Variants in VPS8 observed in about 807,000 individuals in gnomAD.
The protein encoded by VPS8 is vacuolar protein sorting-associated protein 8 homolog.
A neutral mutation model predicts 216.4 loss-of-function variants in VPS8; 129 were observed. That is an observed-to-expected ratio of 0.60 (90% CI 0.52 to 0.69). VPS8 has a LOEUF of 0.69. Among genes scored for constraint, VPS8 ranks in the 30% least tolerant of loss-of-function variants. The probability of loss-of-function intolerance (pLI) is 0.00; values close to 1 mark genes in which losing one functional copy is unlikely to be tolerated. For missense variants in VPS8, 1,531 were observed against 1,683.5 expected (o/e 0.91, Z 1.59); for synonymous variants, 571 against 565.4 (o/e 1.01, Z -0.14).
intron 35 of VPS8, 30 bp from the exon 36 acceptor site, chr3:184,940,167 A>G: frequency 7.2e-7 from 1 of 1,388,406 alleles, no homozygotes; most frequent in Non-Finnish European, 9.7e-7. Context: ...TTTAATATTT[A>G]ATTGTAATTT....
intron 21 of VPS8, among the ~76,000 whole-genome samples, chr3:184,879,008 C>T (rs1052516788): frequency 2.0e-5 from 3 of 152,108 alleles, no homozygotes; most frequent in African/African-American, 7.2e-5. Context: ...ATCTGATAGT[C>T]TTTTAGAATA....
In VPS8 at chr3:184,929,582, A is replaced by T. The variant is rs776439430; in HGVS notation, c.2717A>T (p.Tyr906Phe). The T allele has an allele frequency of 4.5e-5, 67 of 1,502,444 alleles. No individual in the cohort carries two copies. The highest frequency in any genetic ancestry group is 8.5e-5 in the Admixed American group (4 of 47,318). The allele number at this position is 1,502,444 out of a possible 1,614,324, so 93.1% of individuals were successfully genotyped here. A position where few individuals can be genotyped will look rare whatever the true frequency, so the allele number is the denominator to read the frequency against. ...AAGTTTTTCCCTTTACATTCTAGCT[A>T]TCAAATTTGTGAATTTATGTATGAA... ...LIRMAEKAEF[Y>F]QICEFMYERE... Residue 906 changes from tyrosine to phenylalanine, a missense_variant and splice_region_variant, in exon 33 of 48, where the codon TAT becomes TTT. Tyr to Phe is a conservative substitution (Grantham distance 22). Coordinates refer to ENST00000625842, the MANE Select transcript of VPS8 (RefSeq NM_001009921.3).
chr3:185,035,986 CAA>C (rs1174073863), intron 46 of VPS8, among the ~76,000 whole-genome samples: 1 of 152,092 alleles, frequency 6.6e-6, no homozygotes, highest in African/African-American at 2.4e-5. Flanking sequence ...AGAATGAAAT[CAA>C]GAACAGATCC....
chr3:184,945,690 C>G (rs1743553703), intron 36 of VPS8, among the ~76,000 whole-genome samples: 1 of 152,176 alleles, frequency 6.6e-6, no homozygotes, highest in South Asian at 2.1e-4. Flanking sequence ...TGTAATCTCC[C>G]AACAGGTTCT....
At chr3:184,887,425 CTAA>C (rs1731490697) in intron 22 of VPS8, among the ~76,000 whole-genome samples, 1 of 150,884 alleles carries the variant, frequency 6.6e-6, no homozygotes, top group Non-Finnish European at 1.5e-5. Flanking sequence ...TTTTTCCACA[CTAA>C]TAATGATAAC....
chr3:184,949,531 A>G (rs186621506), intron 36 of VPS8, among the ~76,000 whole-genome samples: 13 of 151,888 alleles, frequency 8.6e-5, no homozygotes, highest in East Asian at 3.9e-4. Flanking sequence ...ACTGTTAGCT[A>G]TGTGGATCGT....
chr3:184,953,086 G>C (rs960664570), intron 36 of VPS8, among the ~76,000 whole-genome samples: 3 of 152,090 alleles, frequency 2.0e-5, no homozygotes, highest in Non-Finnish European at 4.4e-5. Flanking sequence ...TTTAAGATGG[G>C]GTCTGTTACC....
intron 40 of VPS8, among the ~76,000 whole-genome samples, chr3:184,982,094 C>T (rs931834565): frequency 8.0e-5 from 12 of 150,838 alleles, no homozygotes; most frequent in African/African-American, 2.9e-4. Flanking sequence ...AACCTTTACT[C>T]ATTTTTCTTG....
At chr3:184,874,924 G>A (rs1435621796) in intron 21 of VPS8, among the ~76,000 whole-genome samples, 1 of 152,026 alleles carries the variant, frequency 6.6e-6, no homozygotes, top group African/African-American at 2.4e-5. Context: ...TATAGTGGGT[G>A]GAAATCAGGA....
chr3:184,821,353 T>A (rs2108491034), intron 1 of VPS8, among the ~76,000 whole-genome samples: 1 of 152,188 alleles, frequency 6.6e-6, no homozygotes, highest in African/African-American at 2.4e-5. Flanking sequence ...CTACTTTTTT[T>A]TTTTTTTAGA....
At chr3:184,942,972 G>C (rs1016621359) in intron 36 of VPS8, among the ~76,000 whole-genome samples, 2 of 152,146 alleles carry the variant, frequency 1.3e-5, no homozygotes, top group Non-Finnish European at 2.9e-5. Context: ...CTTGCTTTGA[G>C]AGTGGTTGTT....
intron 25 of VPS8, among the ~76,000 whole-genome samples, chr3:184,908,272 A>G (rs1252904372): frequency 2.0e-5 from 3 of 152,198 alleles, no homozygotes; most frequent in East Asian, 3.9e-4. Flanking sequence ...TTGAGGGGCT[A>G]CAAGATTGAC....
chr3:185,050,994 G>A (rs924004368), intron 47 of VPS8, among the ~76,000 whole-genome samples: 7 of 152,148 alleles, frequency 4.6e-5, no homozygotes, highest in African/African-American at 1.7e-4. Flanking sequence ...CAATGTTCTG[G>A]GAAGCAACAG....
rs1185192987 is a variant in VPS8 at position 184,828,465 on chromosome 3, G to A, written c.222+2234G>A. Among the ~76,000 whole-genome samples, 5 of 152,218 alleles carry A rather than the reference G, an allele frequency of 3.3e-5. No homozygotes were observed. In the East Asian group the frequency reaches 9.7e-4, roughly 29 times the overall value. On this transcript the variant is annotated intron_variant, in intron 3 of 47. Transcript: ENST00000625842. ...ATGCTTTTTAAAGTAGAAATTTAGAGATTACTGAGACATCCTAGATCTCAG... is the reference window on the plus strand; with the variant it reads ...ATGCTTTTTAAAGTAGAAATTTAGAAATTACTGAGACATCCTAGATCTCAG...
intron 45 of VPS8, among the ~76,000 whole-genome samples, chr3:185,010,796 G>C (rs1458710403): frequency 6.6e-6 from 1 of 152,116 alleles, no homozygotes; most frequent in African/African-American, 2.4e-5. Context: ...GAGCCCAAAA[G>C]TTTTAGACCA....
intron 36 of VPS8, among the ~76,000 whole-genome samples, chr3:184,955,672 C>G (rs1184151387): frequency 6.6e-6 from 1 of 152,084 alleles, no homozygotes; most frequent in African/African-American, 2.4e-5. Context: ...ACCTGCTAAG[C>G]CCCGTAGGAC....
chr3:185,003,926 G>A (rs1035492513), intron 45 of VPS8, among the ~76,000 whole-genome samples: 1 of 151,032 alleles, frequency 6.6e-6, no homozygotes, highest in African/African-American at 2.4e-5. Context: ...AGACGGGGTG[G>A]CGGGGCAGAG....
chr3:184,832,546 C>G, intron 3 of VPS8, 143 bp from the exon 4 acceptor site: 1 of 702,756 alleles, frequency 1.4e-6, no homozygotes, highest in African/African-American at 1.8e-5. Flanking sequence ...TGTATGGTTT[C>G]TTTCTGGTCA....
intron 7 of VPS8, among the ~76,000 whole-genome samples, chr3:184,840,730 A>C (rs775402644): frequency 1.1e-4 from 16 of 151,894 alleles, no homozygotes; most frequent in Non-Finnish European, 2.1e-4. Flanking sequence ...AATAATAATA[A>C]TAAACAAAAA....
Sources: allele counts gnomAD v4.1 joint callset (sites outside exome capture counted in the v4.1 genomes callset), GRCh38; gene constraint gnomAD v4.1.1; transcripts MANE v1.5; gene names NCBI Gene and HGNC (gene_info 2026-07-23, HGNC 2026-07-21).